Variants in CACNA2D3 observed in about 807,000 individuals in gnomAD.
CACNA2D3 encodes the protein calcium voltage-gated channel auxiliary subunit alpha2delta 3.
A neutral mutation model predicts 160.6 loss-of-function variants in CACNA2D3; 60 were observed. The observed-to-expected ratio is 0.37, with a 90% CI of 0.30 to 0.46. CACNA2D3 has a LOEUF of 0.46. Ranked by LOEUF, CACNA2D3 falls within the 20% of genes least tolerant of loss-of-function variation. The pLI is 1.00. For missense variants in CACNA2D3, 1,205 were observed against 1,365.0 expected (o/e 0.88, Z 1.85); for synonymous variants, 558 against 492.9 (o/e 1.13, Z -1.75).
chr3:54,198,005 C>T (rs1362981353), intron 2 of CACNA2D3, among the ~76,000 whole-genome samples: 7 of 152,124 alleles, frequency 4.6e-5, no homozygotes, highest in African/African-American at 1.4e-4. Flanking sequence ...TGTCTTTGGA[C>T]GTGATGAAAG....
chr3:54,889,113 G>C (rs1699996841), intron 24 of CACNA2D3, among the ~76,000 whole-genome samples: 1 of 152,156 alleles, frequency 6.6e-6, no homozygotes, highest in Non-Finnish European at 1.5e-5. Flanking sequence ...GGAATTTAAA[G>C]AAGGTGGACA....
chr3:54,504,157 A>G (rs1043033320), intron 5 of CACNA2D3, among the ~76,000 whole-genome samples: 2 of 152,156 alleles, frequency 1.3e-5, no homozygotes, highest in South Asian at 2.1e-4. Context: ...TAGGGGTGCA[A>G]TGGAAACAGC....
intron 2 of CACNA2D3, among the ~76,000 whole-genome samples, chr3:54,225,479 CTA>C (rs1265704648): frequency 2.6e-5 from 4 of 152,278 alleles, no homozygotes; most frequent in South Asian, 2.1e-4. Context: ...TTGCAGTTTC[CTA>C]TATGTTTCCC....
intron 29 of CACNA2D3, among the ~76,000 whole-genome samples, chr3:54,975,923 A>G (rs972145291): frequency 1.3e-5 from 2 of 152,112 alleles, no homozygotes; most frequent in African/African-American, 4.8e-5. Flanking sequence ...TTCAGCCACA[A>G]TAATAACACC....
intron 9 of CACNA2D3, among the ~76,000 whole-genome samples, chr3:54,623,701 G>A (rs553530046): frequency 5.3e-5 from 8 of 152,236 alleles, no homozygotes; most frequent in African/African-American, 1.7e-4. Flanking sequence ...CAATGATGGC[G>A]ATGTTCATTA....
At chr3:54,762,261 T>C (rs868329338) in intron 12 of CACNA2D3, among the ~76,000 whole-genome samples, 2 of 152,312 alleles carry the variant, frequency 1.3e-5, no homozygotes, top group South Asian at 4.1e-4. Context: ...CCAGCCATTC[T>C]GAGCTATTTT....
intron 3 of CACNA2D3, among the ~76,000 whole-genome samples, chr3:54,360,954 G>C (rs1027576859): frequency 6.6e-6 from 1 of 151,958 alleles, no homozygotes; most frequent in Non-Finnish European, 1.5e-5. Flanking sequence ...CGTTTCAATG[G>C]TGTTAGAGTG....
At chr3:54,888,184 A>G (rs1250336879) in intron 24 of CACNA2D3, 132 bp downstream of exon 24, 2 of 716,538 alleles carry the variant, frequency 2.8e-6, no homozygotes, top group East Asian at 2.7e-5. Context: ...CCAAGCTCCA[A>G]ACCACAAGAG....
intron 27 of CACNA2D3, among the ~76,000 whole-genome samples, chr3:54,928,334 TAAAAC>T (rs1701087603): frequency 1.3e-5 from 2 of 152,136 alleles, no homozygotes; most frequent in African/African-American, 2.4e-5. Flanking sequence ...GGCACCAAAA[TAAAAC>T]TGCCTTCTTA....
intron 2 of CACNA2D3, among the ~76,000 whole-genome samples, chr3:54,126,756 C>T (rs761629616): frequency 6.6e-6 from 1 of 152,078 alleles, no homozygotes; most frequent in Non-Finnish European, 1.5e-5. Flanking sequence ...GGTGCTGGTG[C>T]GCCGCTGTAT....
At chr3:54,561,266 A>G (rs1702320454) in intron 5 of CACNA2D3, among the ~76,000 whole-genome samples, 1 of 152,162 alleles carries the variant, frequency 6.6e-6, no homozygotes, top group Non-Finnish European at 1.5e-5. Flanking sequence ...AGTGGTTTGT[A>G]GTTCTCCTTG....
intron 12 of CACNA2D3, among the ~76,000 whole-genome samples, chr3:54,760,407 G>A (rs1385539250): frequency 6.6e-6 from 1 of 152,126 alleles, no homozygotes; most frequent in African/African-American, 2.4e-5. Context: ...TGAGCAAGAG[G>A]GAGATGGCAG....
Position 54,242,292 on chromosome 3 carries a change from A to G in CACNA2D3, c.205-78150A>G, listed in dbSNP as rs143384842. On this transcript the variant is annotated intron_variant, in intron 2 of 37. Coordinates refer to ENST00000474759, the MANE Select transcript of CACNA2D3 (RefSeq NM_018398.3). ...AAAAAACAAAAACAAACAAACAAACAAAAAGCCAGGCATGGTGGTGGACGT... is the reference window on the plus strand; with the variant it reads ...AAAAAACAAAAACAAACAAACAAACGAAAAGCCAGGCATGGTGGTGGACGT... Among the ~76,000 whole-genome samples, 245 of 151,972 alleles carry G rather than the reference A, an allele frequency of 1.6e-3. 3 individuals carry two copies. Among genetic ancestry groups the G allele is most frequent in the African/African-American group, 5.7e-3 (234 of 41,408 alleles).
At chr3:54,709,122 G>A (rs1053494266) in intron 11 of CACNA2D3, among the ~76,000 whole-genome samples, 10 of 149,680 alleles carry the variant, frequency 6.7e-5, no homozygotes, top group Non-Finnish European at 1.2e-4. Context: ...CAATTCTCCC[G>A]CCTCAGCCTC....
chr3:54,258,295 G>GT (rs1702339626), intron 2 of CACNA2D3, among the ~76,000 whole-genome samples: 1 of 152,228 alleles, frequency 6.6e-6, no homozygotes, highest in South Asian at 2.1e-4. Context: ...TATCCAACCA[G>GT]TATTTATTGA....
At chr3:54,876,014 C>T (rs780809649) in intron 18 of CACNA2D3, among the ~76,000 whole-genome samples, 3 of 152,154 alleles carry the variant, frequency 2.0e-5, no homozygotes, top group African/African-American at 2.4e-5. Context: ...TGAACAGCTG[C>T]ACATGGGTTT....
chr3:54,523,200 T>C (rs1307644939), intron 5 of CACNA2D3, among the ~76,000 whole-genome samples: 1 of 152,174 alleles, frequency 6.6e-6, no homozygotes, highest in Non-Finnish European at 1.5e-5. Context: ...CTCTATAAAG[T>C]TGAAGAAGTC....
chr3:54,893,060 G>C (rs906509205), intron 25 of CACNA2D3, among the ~76,000 whole-genome samples: 2 of 152,188 alleles, frequency 1.3e-5, no homozygotes, highest in South Asian at 4.1e-4. Flanking sequence ...CAGATCACTT[G>C]AGGTCAGGAG....
chr3:54,292,876 A>G (rs1414964739), intron 2 of CACNA2D3, among the ~76,000 whole-genome samples: 4 of 152,254 alleles, frequency 2.6e-5, no homozygotes, highest in Non-Finnish European at 4.4e-5. Context: ...GACTGGCACA[A>G]CAATGTTCTT....
Sources: gnomAD v4.1 joint callset for allele counts (sites outside exome capture counted in the v4.1 genomes callset) on GRCh38, gnomAD v4.1.1 for gene constraint, MANE v1.5 for transcripts, NCBI Gene and HGNC (gene_info 2026-07-23, HGNC 2026-07-21) for gene names.